ZDHHC13: variants seen among roughly 807,000 people sequenced by gnomAD.
ZDHHC13 encodes the protein palmitoyltransferase ZDHHC13.
Under a neutral mutation model 86.0 loss-of-function variants are expected in ZDHHC13, and 85 were observed. That is an observed-to-expected ratio of 0.99 (90% CI 0.83 to 1.18). ZDHHC13 has a LOEUF of 1.18. Ranked by LOEUF, ZDHHC13 falls within the 50% of genes most tolerant of loss-of-function variation. The pLI is 0.00. For synonymous variants in ZDHHC13, 263 were observed against 246.4 expected (o/e 1.07, Z -0.63); for missense variants, 711 against 730.2 (o/e 0.97, Z 0.30).
chr11:19,139,175 A>G (rs1271694895), intron 1 of ZDHHC13, among the ~76,000 whole-genome samples: 1 of 151,774 alleles, frequency 6.6e-6, no homozygotes, highest in African/African-American at 2.4e-5. Context: ...CCATTGTCTC[A>G]GCCCAAAATC....
At chr11:19,122,339 A>G (rs77548997) in intron 1 of ZDHHC13, among the ~76,000 whole-genome samples, 2,948 of 152,142 alleles carry the variant, frequency 0.019, 98 homozygotes, top group African/African-American at 0.068. Flanking sequence ...ATTGGATTAG[A>G]TCATCTTTGT....
intron 1 of ZDHHC13, among the ~76,000 whole-genome samples, chr11:19,130,893 T>C (rs1207643173): frequency 6.6e-6 from 1 of 151,826 alleles, no homozygotes; most frequent in Non-Finnish European, 1.5e-5. Context: ...TCGCCCAGGC[T>C]GGAGTACAGT....
chr11:19,153,779 A>G (rs1286419335), intron 8 of ZDHHC13, among the ~76,000 whole-genome samples: 5 of 151,222 alleles, frequency 3.3e-5, no homozygotes. Context: ...ATCTCCTGAT[A>G]CCCTCCCCAC....
intron 13 of ZDHHC13, among the ~76,000 whole-genome samples, chr11:19,165,579 C>T (rs1324624669): frequency 1.3e-5 from 2 of 152,264 alleles, no homozygotes; most frequent in Admixed American, 6.5e-5. Context: ...CCATCTCCAG[C>T]ATTGAGAAGG....
At chr11:19,165,965 G>A (rs966770983) in intron 13 of ZDHHC13, among the ~76,000 whole-genome samples, 1 of 152,214 alleles carries the variant, frequency 6.6e-6, no homozygotes. Context: ...GAAAGAGACA[G>A]GGTATGATTT....
intron 14 of ZDHHC13, chr11:19,169,381 A>G (rs1264276992): frequency 3.0e-6 from 3 of 985,350 alleles, no homozygotes; most frequent in Non-Finnish European, 3.6e-6. Context: ...CTTCTGGCAT[A>G]TATTCATGAA....
chr11:19,137,707 G>C (rs376837439), intron 1 of ZDHHC13, among the ~76,000 whole-genome samples: 99 of 149,960 alleles, frequency 6.6e-4, no homozygotes, highest in African/African-American at 2.1e-3. Flanking sequence ...TTATAACAAA[G>C]TATCTCTCAG....
In ZDHHC13 at chr11:19,143,106, C is replaced by T. The variant is rs748378291; in HGVS notation, c.156C>T (p.Asp52=). The T allele has an allele frequency of 2.5e-6, 4 of 1,612,392 alleles. No individual in the cohort carries two copies. Among genetic ancestry groups the T allele is most frequent in the Non-Finnish European group, 3.4e-6 (4 of 1,179,096 alleles). ...LPLIEDSSNC[D]IVKATQYGIF... The stretch of plus-strand genomic sequence containing the variant: ...TTATAGAGGACTCTAGTAACTGTGA[C>T]ATTGTCAAAGCTACTCAGTAAGTCT... Residue 52 remains aspartate (D), a synonymous_variant, in exon 2 of 17, where the codon GAC becomes GAT. Transcript: ENST00000446113.
chr11:19,145,719 A>G (rs1486505488), intron 2 of ZDHHC13, among the ~76,000 whole-genome samples: 1 of 152,204 alleles, frequency 6.6e-6, no homozygotes, highest in Admixed American at 6.5e-5. Flanking sequence ...GGAAGGGCTA[A>G]TCATTTGTTC....
chr11:19,135,345 G>T (rs1849107622), intron 1 of ZDHHC13, among the ~76,000 whole-genome samples: 2 of 152,328 alleles, frequency 1.3e-5, no homozygotes, highest in Non-Finnish European at 2.9e-5. Context: ...ACTCCCACCC[G>T]AATACTGCGC....
intron 9 of ZDHHC13, among the ~76,000 whole-genome samples, chr11:19,158,058 C>T (rs1590084438): frequency 6.6e-6 from 1 of 152,274 alleles, no homozygotes; most frequent in East Asian, 1.9e-4. Flanking sequence ...AGACCATACC[C>T]TGGAGGTTGC....
intron 1 of ZDHHC13, among the ~76,000 whole-genome samples, chr11:19,131,085 C>T (rs1286016189): frequency 6.6e-6 from 1 of 151,102 alleles, no homozygotes; most frequent in Non-Finnish European, 1.5e-5. Flanking sequence ...GTGGCGCGAT[C>T]TCGGCTCACT....
chr11:19,161,986 C>T (rs960218381), intron 10 of ZDHHC13, among the ~76,000 whole-genome samples: 3 of 152,056 alleles, frequency 2.0e-5, no homozygotes. Flanking sequence ...GAATTATATC[C>T]TTTTAAAAGA....
In ZDHHC13 at chr11:19,146,261, T is replaced by C; in HGVS notation, c.254T>C (p.Leu85Pro). Residue 85 changes from leucine (L) to proline (P), a missense_variant, in exon 3 of 17, where the codon CTT becomes CCT. Transcript: ENST00000446113. ...CAACCAGATAAAGAAAATGTGTCGC[T>C]TCTTCATTGGGCTGCTATTAACAAC... ...VRQPDKENVS[L>P]LHWAAINNRL... 1 of 1,613,430 alleles carries C rather than the reference T, an allele frequency of 6.2e-7. No individual in the cohort carries two copies. Among genetic ancestry groups the C allele is most frequent in the Non-Finnish European group, 8.5e-7 (1 of 1,179,628 alleles).
At chr11:19,172,300 T>C (rs903319202) in intron 15 of ZDHHC13, among the ~76,000 whole-genome samples, 2 of 152,106 alleles carry the variant, frequency 1.3e-5, no homozygotes, top group African/African-American at 4.8e-5. Flanking sequence ...CTCGAACTCC[T>C]GACCTCGTGA....
At chr11:19,121,705 T>C (rs1037838713) in intron 1 of ZDHHC13, among the ~76,000 whole-genome samples, 7 of 152,196 alleles carry the variant, frequency 4.6e-5, no homozygotes, top group Admixed American at 3.9e-4. Context: ...TGTAGTGTGT[T>C]TGTTCATACA....
chr11:19,142,651 A>T (rs1849352875), intron 1 of ZDHHC13, among the ~76,000 whole-genome samples: 1 of 152,150 alleles, frequency 6.6e-6, no homozygotes, highest in Non-Finnish European at 1.5e-5. Flanking sequence ...TGAACAAAAT[A>T]TGTAATTTGG....
chr11:19,171,087 A>C (rs577761498), intron 15 of ZDHHC13, among the ~76,000 whole-genome samples: 1 of 152,294 alleles, frequency 6.6e-6, no homozygotes, highest in Admixed American at 6.5e-5. Flanking sequence ...ATTACTATGC[A>C]GTGTTTAAAT....
intron 1 of ZDHHC13, among the ~76,000 whole-genome samples, chr11:19,131,167 C>T (rs1421099449): frequency 3.3e-5 from 5 of 151,734 alleles, no homozygotes; most frequent in African/African-American, 4.8e-5. Context: ...TGCAGGCACC[C>T]GCCACCATGC....
Sources: gnomAD v4.1 joint callset for allele counts (sites outside exome capture counted in the v4.1 genomes callset) on GRCh38, gnomAD v4.1.1 for gene constraint, MANE v1.5 for transcripts, NCBI Gene and HGNC (gene_info 2026-07-23, HGNC 2026-07-21) for gene names.